The following KATNAL1 variants were observed in gnomAD, a reference collection of about 807,000 sequenced individuals.
KATNAL1 encodes katanin p60 ATPase-containing subunit A-like 1.
A neutral mutation model predicts 55.2 loss-of-function variants in KATNAL1; 32 were observed. That is an observed-to-expected ratio of 0.58 (90% CI 0.44 to 0.78). The LOEUF (loss-of-function observed/expected upper bound fraction) is 0.78. KATNAL1 is among the 30% of genes least tolerant of loss of function. The pLI, the probability that KATNAL1 is intolerant of heterozygous loss-of-function variation, is 0.00. For missense variants in KATNAL1, 466 were observed against 600.9 expected (o/e 0.78, Z 2.35); for synonymous variants, 193 against 193.6 (o/e 1.00, Z 0.02).
At chr13:30,256,816 T>C (rs1232838020) in intron 3 of KATNAL1, among the ~76,000 whole-genome samples, 1 of 152,218 alleles carries the variant, frequency 6.6e-6, no homozygotes, top group Non-Finnish European at 1.5e-5. Context: ...CGTATGTCTA[T>C]CTATGAGGTA....
At chr13:30,281,181 C>T (rs1472178218) in intron 2 of KATNAL1, among the ~76,000 whole-genome samples, 1 of 141,918 alleles carries the variant, frequency 7.0e-6, no homozygotes, top group Non-Finnish European at 1.5e-5. Context: ...TTTAACAATT[C>T]TTTTTTTTTT....
intron 1 of KATNAL1, among the ~76,000 whole-genome samples, chr13:30,289,334 T>G (rs1881990412): frequency 6.6e-6 from 1 of 152,218 alleles, no homozygotes; most frequent in Non-Finnish European, 1.5e-5. Context: ...CAGTCTTAAG[T>G]TTACCTTCTC....
chr13:30,306,554 G>A (rs1343226632), intron 1 of KATNAL1, among the ~76,000 whole-genome samples: 2 of 152,040 alleles, frequency 1.3e-5, no homozygotes, highest in South Asian at 2.1e-4. Flanking sequence ...CCATATAATC[G>A]CAATGACATC....
At chr13:30,264,175 G>T (rs1283822929) in intron 3 of KATNAL1, among the ~76,000 whole-genome samples, 1 of 151,116 alleles carries the variant, frequency 6.6e-6, no homozygotes, top group East Asian at 1.9e-4. Context: ...CTAGCCATAT[G>T]TAGAAAGCTG....
chr13:30,295,954 A>G (rs1394426141), intron 1 of KATNAL1, among the ~76,000 whole-genome samples: 3 of 152,008 alleles, frequency 2.0e-5, no homozygotes, highest in Admixed American at 6.5e-5. Flanking sequence ...CAGTAATCCC[A>G]ACACTTTGGG....
intron 9 of KATNAL1, among the ~76,000 whole-genome samples, chr13:30,219,482 T>A (rs1055972744): frequency 6.6e-6 from 1 of 152,260 alleles, no homozygotes; most frequent in Admixed American, 6.5e-5. Flanking sequence ...TCTCGGCTCA[T>A]GCATTCCACT....
intron 4 of KATNAL1, among the ~76,000 whole-genome samples, chr13:30,242,377 G>C (rs1214593837): frequency 6.6e-6 from 1 of 152,180 alleles, no homozygotes; most frequent in East Asian, 1.9e-4. Context: ...GAGTATCATA[G>C]GATTTTAAAA....
intron 3 of KATNAL1, among the ~76,000 whole-genome samples, chr13:30,269,920 C>T (rs1294063471): frequency 6.6e-6 from 1 of 151,158 alleles, no homozygotes; most frequent in Non-Finnish European, 1.5e-5. Context: ...CCCTGCCCGG[C>T]CAGCCGCCCC....
intron 4 of KATNAL1, among the ~76,000 whole-genome samples, chr13:30,249,422 CATAT>C (rs1878096091): frequency 6.6e-6 from 1 of 152,156 alleles, no homozygotes; most frequent in African/African-American, 2.4e-5. Flanking sequence ...GAAATTCATG[CATAT>C]ATATGTCAAA....
At chr13:30,293,954 C>T (rs548706326) in intron 1 of KATNAL1, among the ~76,000 whole-genome samples, 2 of 152,120 alleles carry the variant, frequency 1.3e-5, no homozygotes, top group Non-Finnish European at 1.5e-5. Context: ...AGTGATGTTA[C>T]TGTTGTAATT....
intron 1 of KATNAL1, among the ~76,000 whole-genome samples, chr13:30,299,980 AAC>A (rs143141264): frequency 0.024 from 3,575 of 151,052 alleles, 131 homozygotes; most frequent in African/African-American, 0.08. Flanking sequence ...CATCACCCAC[AAC>A]ACACACACAC....
Position 30,208,712 on chromosome 13 carries a change from C to T in KATNAL1, c.1301G>A (p.Arg434Gln), listed in dbSNP as rs775996145. Residue 434 changes from arginine (R) to glutamine (Q), a missense_variant, in exon 11 of 11, where the codon CGG (arginine) becomes CAG (glutamine). Coordinates refer to ENST00000380615, the MANE Select transcript of KATNAL1 (RefSeq NM_032116.5). ...TTCTGGACTTAAGCCATTGATACGCCGTCTCATTGCCATTAAAGAGGCATC... is the reference window on the plus strand; with the variant it reads ...TTCTGGACTTAAGCCATTGATACGCTGTCTCATTGCCATTAAAGAGGCATC... ...CRDASLMAMRRRINGLSPEEI... is the reference protein window; with the variant it reads ...CRDASLMAMRQRINGLSPEEI... 2.5e-6 allele frequency: 4 copies of T among 1,611,078 alleles called. No homozygotes were observed. Among genetic ancestry groups the T allele is most frequent in the Admixed American group, 3.4e-5 (2 of 59,698 alleles).
intron 6 of KATNAL1, among the ~76,000 whole-genome samples, chr13:30,237,387 G>A (rs1003890033): frequency 2.0e-5 from 3 of 152,172 alleles, no homozygotes; most frequent in Non-Finnish European, 2.9e-5. Flanking sequence ...GCTAAGATAG[G>A]CTGGATGATA....
At chr13:30,267,682 A>C (rs1201951728) in intron 3 of KATNAL1, among the ~76,000 whole-genome samples, 3 of 152,244 alleles carry the variant, frequency 2.0e-5, no homozygotes, top group Non-Finnish European at 4.4e-5. Flanking sequence ...CCCACAATAA[A>C]ACATGCAGGA....
intron 1 of KATNAL1, among the ~76,000 whole-genome samples, chr13:30,286,186 A>G (rs564314401): frequency 6.6e-6 from 1 of 152,258 alleles, no homozygotes; most frequent in Non-Finnish European, 1.5e-5. Context: ...AGAAATTTGC[A>G]TAAGTAACAA....
intron 1 of KATNAL1, among the ~76,000 whole-genome samples, chr13:30,297,796 A>G (rs1419843348): frequency 1.3e-4 from 20 of 152,336 alleles, no homozygotes; most frequent in Admixed American, 5.2e-4. Context: ...ATTCTTACAT[A>G]TAAGTGGGAG....
intron 3 of KATNAL1, among the ~76,000 whole-genome samples, chr13:30,265,386 A>T (rs1222734461): frequency 7.5e-6 from 1 of 133,822 alleles, no homozygotes; most frequent in African/African-American, 2.6e-5. Context: ...TAATAAATTT[A>T]AAAAATAAAA....
rs141759155 is a variant in KATNAL1 at position 30,250,065 on chromosome 13, C to A, written c.492+5382G>T. ...GTTTATTGTATCTCTATGGTGGAAACACCATAGAATGGTAGGCTGCTACCC... is the reference window on the plus strand; with the variant it reads ...GTTTATTGTATCTCTATGGTGGAAAAACCATAGAATGGTAGGCTGCTACCC... On this transcript the variant is annotated intron_variant, in intron 4 of 10. Transcript: ENST00000380615. Among the ~76,000 whole-genome samples, 538 of 152,240 alleles carry A rather than the reference C, an allele frequency of 3.5e-3. 3 individuals are homozygous for A. Among genetic ancestry groups the A allele is most frequent in the Admixed American group, 0.023 (346 of 15,296 alleles).
At chr13:30,296,209 G>C in intron 1 of KATNAL1, 1 of 808,892 alleles carries the variant, frequency 1.2e-6, no homozygotes, top group South Asian at 1.7e-5. Flanking sequence ...CATCCATGGT[G>C]GATGGCGCCT....
Sources: allele counts gnomAD v4.1 joint callset (sites outside exome capture counted in the v4.1 genomes callset), GRCh38; gene constraint gnomAD v4.1.1; transcripts MANE v1.5; gene names NCBI Gene and HGNC (gene_info 2026-07-23, HGNC 2026-07-21).